NOTCH2NLC: variants seen among roughly 807,000 people sequenced by gnomAD.
NOTCH2NLC encodes the protein notch homolog 2 N-terminal-like protein C.
In NOTCH2NLC, 4 loss-of-function variants were observed where a neutral mutation model predicts 17.7. The ratio of observed to expected loss-of-function variants is 0.23; its 90% confidence interval spans 0.11 to 0.52. The LOEUF (loss-of-function observed/expected upper bound fraction) is 0.52, where lower values mean the gene tolerates loss of function less well. NOTCH2NLC is among the 20% of genes least tolerant of loss of function. The pLI, the probability that NOTCH2NLC is intolerant of heterozygous loss-of-function variation, is 0.96. For synonymous variants in NOTCH2NLC, 18 were observed against 86.0 expected, an observed-to-expected ratio of 0.21 and a Z score of 4.38; for missense variants, 57 against 207.2, an observed-to-expected ratio of 0.28 and a Z score of 4.45.
intron 1 of NOTCH2NLC, among the ~76,000 whole-genome samples, chr1:149,393,069 C>CAAAA (rs1158506660): frequency 1.7e-3 from 72 of 43,054 alleles, no homozygotes; most frequent in African/African-American, 5.6e-3. Context: ...GACTCCGTCT[C>CAAAA]AAAAAAAAAA....
chr1:149,412,773 A>G (rs2084306438), intron 1 of NOTCH2NLC, among the ~76,000 whole-genome samples: 1 of 117,840 alleles, frequency 8.5e-6, no homozygotes, highest in Non-Finnish European at 1.8e-5. Context: ...AGATCACGCC[A>G]TTGCACTCCA....
Position 149,464,692 on chromosome 1 carries a change from C to G in NOTCH2NLC, c.*539C>G, listed in dbSNP as rs1459828270. 3.3e-5 allele frequency: 5 copies of G among 150,014 alleles called. No individual in the cohort carries two copies. The highest frequency in any genetic ancestry group is 1.2e-4 in the African/African-American group (5 of 40,486). 9.3% of individuals were successfully genotyped at this position (150,014 alleles called of 1,614,324 possible). On this transcript the variant is annotated 3_prime_UTR_variant, in exon 5 of 5. Transcript: ENST00000650865. ...AAGAATTTTGATTGGGAACAGAATA[C>G]AAGCAGCTGAAGCAGATGAATTACT...
chr1:149,417,033 A>G (rs1245834186), intron 1 of NOTCH2NLC, among the ~76,000 whole-genome samples: 2 of 139,052 alleles, frequency 1.4e-5, no homozygotes, highest in African/African-American at 5.2e-5. Context: ...TACCTACCTG[A>G]GAATGTTGTA....
intron 1 of NOTCH2NLC, among the ~76,000 whole-genome samples, chr1:149,419,905 C>G (rs1286628971): frequency 9.0e-6 from 1 of 110,806 alleles, no homozygotes; most frequent in Non-Finnish European, 1.7e-5. Context: ...CTTGCTGTGT[C>G]GCCCAGGCTG....
At chr1:149,419,853 ATATTTTTTTTTTT>A (rs2084369101) in intron 1 of NOTCH2NLC, among the ~76,000 whole-genome samples, 2 of 110,910 alleles carry the variant, frequency 1.8e-5, no homozygotes, top group Admixed American at 1.0e-4. Flanking sequence ...ATATATATAT[ATATTTTTTTTTTT>A]TTTTTTTTTT....
Position 149,460,899 on chromosome 1 carries a change from CTTTCTTTCTTTCTTTCTCTCTCTT to C in NOTCH2NLC, c.470-2590_470-2567del, listed in dbSNP as rs1380108039. On this transcript the variant is annotated intron_variant, in intron 3 of 4. Coordinates refer to ENST00000650865, the MANE Select transcript of NOTCH2NLC (RefSeq NM_001364013.2). Reference sequence around the variant, plus strand: ...TCTTTCTTTCTTTCTTTCTTTCTTTCTTTCTTTCTTTCTTTCTCTCTCTTTCTCTCTTTCTCTCTCTTTCCCTCT... The same window carrying C: ...TCTTTCTTTCTTTCTTTCTTTCTTTCTCTCTCTTTCTCTCTCTTTCCCTCT... 9.8e-4 allele frequency among the ~76,000 whole-genome samples: 122 copies of C among 124,606 alleles called. 4 individuals carry two copies. Among genetic ancestry groups the C allele is most frequent in the Admixed American group, 1.3e-3 (16 of 12,008 alleles). The allele number at this position is 124,606 out of a possible 152,430, so 81.7% of individuals were successfully genotyped here.
At chr1:149,433,972 A>T in intron 2 of NOTCH2NLC, among the ~76,000 whole-genome samples, 1 of 142,534 alleles carries the variant, frequency 7.0e-6, no homozygotes. Context: ...AAGAAAATGG[A>T]GCTGCCTAAA....
intron 1 of NOTCH2NLC, among the ~76,000 whole-genome samples, chr1:149,416,836 G>T (rs2084338162): frequency 7.0e-6 from 1 of 143,202 alleles, no homozygotes; most frequent in African/African-American, 2.6e-5. Flanking sequence ...TAGGGGTGAT[G>T]CTAGTCAATG....
Position 149,460,616 on chromosome 1 carries a change from T to C in NOTCH2NLC, c.470-2875T>C, listed in dbSNP as rs1177400204. Among the ~76,000 whole-genome samples, 7 of 149,554 alleles carry C rather than the reference T, an allele frequency of 4.7e-5. 1 individual carries two copies. Among genetic ancestry groups the C allele is most frequent in the Non-Finnish European group, 1.0e-4 (7 of 67,006 alleles). ...CCTCCCAAAGTGCTGGGATTACAGG[T>C]GTGAGCCACCACACCCGGCCGATTC... On this transcript the variant is annotated intron_variant, in intron 3 of 4. Transcript: ENST00000650865.
intron 2 of NOTCH2NLC, among the ~76,000 whole-genome samples, chr1:149,433,547 T>C (rs1292091771): frequency 2.2e-4 from 32 of 148,826 alleles, no homozygotes; most frequent in East Asian, 1.4e-3. Flanking sequence ...TGGTGACTTA[T>C]ATATGGAGAA....
chr1:149,446,964 AT>A (rs2084558168), intron 2 of NOTCH2NLC, among the ~76,000 whole-genome samples: 1 of 121,116 alleles, frequency 8.3e-6, no homozygotes, highest in Non-Finnish European at 1.8e-5. Context: ...GTGGTAGACT[AT>A]TTTCCAAAAT....
At chr1:149,424,376 A>C (rs1410633896) in intron 1 of NOTCH2NLC, among the ~76,000 whole-genome samples, 2 of 149,716 alleles carry the variant, frequency 1.3e-5, no homozygotes, top group African/African-American at 4.9e-5. Flanking sequence ...GTTTGTATTT[A>C]TCTTAGAGTC....
intron 1 of NOTCH2NLC, among the ~76,000 whole-genome samples, chr1:149,421,507 A>G (rs1261532599): frequency 6.8e-6 from 1 of 147,424 alleles, no homozygotes; most frequent in Non-Finnish European, 1.5e-5. Context: ...TCAAAAAAAA[A>G]AAAAAAAAAA....
intron 2 of NOTCH2NLC, among the ~76,000 whole-genome samples, chr1:149,437,597 G>A (rs1384196678): frequency 1.7e-4 from 19 of 114,498 alleles, no homozygotes; most frequent in Admixed American, 9.5e-5. Flanking sequence ...TCAAGTAGCC[G>A]GGACTACAAG....
chr1:149,390,697 C>T lies in NOTCH2NLC; in HGVS notation c.-91C>T, dbSNP rs1381624037. On this transcript the variant is annotated 5_prime_UTR_variant, in exon 1 of 5. Coordinates refer to ENST00000650865, the MANE Select transcript of NOTCH2NLC (RefSeq NM_001364013.2). ...GCGCGGGGAGTCGAGGCATTTGCGC[C>T]TGTGCTTCGGACCGTAGCGCCAGGG... 7 of 1,240,820 alleles carry T rather than the reference C, an allele frequency of 5.6e-6. No homozygotes were observed. The highest frequency in any genetic ancestry group is 8.8e-5 in the Admixed American group (2 of 22,688). 76.9% of individuals were successfully genotyped at this position (1,240,820 alleles called of 1,614,324 possible). A position where few individuals can be genotyped will look rare whatever the true frequency, so the allele number is the denominator to read the frequency against.
In NOTCH2NLC at chr1:149,438,119, G is replaced by C. The variant is rs1488011123; in HGVS notation, c.209+7104G>C. ...TGGAACCTTCTGAAATGGAAGTGTG[G>C]AACATTTGAAAGTATACAAAAAGGG... On this transcript the variant is annotated intron_variant, in intron 2 of 4. Transcript: ENST00000650865. Among the ~76,000 whole-genome samples the C allele has an allele frequency of 1.2e-4, 18 of 150,638 alleles. 1 individual carries two copies. The highest frequency in any genetic ancestry group is 4.4e-4 in the African/African-American group (18 of 41,070).
rs1464919893 is a variant in NOTCH2NLC at position 149,423,350 on chromosome 1, G to T, written c.136-7592G>T. Among the ~76,000 whole-genome samples the T allele has an allele frequency of 2.0e-5, 3 of 150,754 alleles. No homozygotes were observed. In the East Asian group the frequency reaches 5.9e-4, roughly 30 times the overall value. ...GTACCACTTGGGATTTGAAGCTTCC[G>T]CACTTCTTCTGTTTGTTTGGATTTT... On this transcript the variant is annotated intron_variant, in intron 1 of 4. Coordinates refer to ENST00000650865, the MANE Select transcript of NOTCH2NLC (RefSeq NM_001364013.2).
At chr1:149,463,102 G>A (rs1404892856) in intron 3 of NOTCH2NLC, among the ~76,000 whole-genome samples, 5 of 150,532 alleles carry the variant, frequency 3.3e-5, no homozygotes, top group Admixed American at 6.6e-5. Flanking sequence ...CCAAAGTGCT[G>A]GAATTACAGG....
intron 1 of NOTCH2NLC, among the ~76,000 whole-genome samples, chr1:149,398,402 A>G (rs2084221196): frequency 6.7e-6 from 1 of 150,100 alleles, no homozygotes. Context: ...GTTATGGTGG[A>G]AATATCTTCC....
Sources: allele counts gnomAD v4.1 joint callset (sites outside exome capture counted in the v4.1 genomes callset), GRCh38; gene constraint gnomAD v4.1.1; transcripts MANE v1.5; gene names NCBI Gene and HGNC (gene_info 2026-07-23, HGNC 2026-07-21).